SMCO2: variants seen among roughly 807,000 people sequenced by gnomAD.
The protein encoded by SMCO2 is single-pass membrane and coiled-coil domain-containing protein 2.
Under a neutral mutation model 29.5 loss-of-function variants are expected in SMCO2, and 25 were observed. The observed-to-expected ratio is 0.85, with a 90% CI of 0.62 to 1.18. The LOEUF (loss-of-function observed/expected upper bound fraction) is 1.18, where lower values mean the gene tolerates loss of function less well. SMCO2 is among the 50% of genes most tolerant of loss of function. The pLI, the probability that SMCO2 is intolerant of heterozygous loss-of-function variation, is 0.00. For missense variants in SMCO2, 348 were observed against 344.5 expected (o/e 1.01, Z -0.08); for synonymous variants, 117 against 123.3 (o/e 0.95, Z 0.34).
the SMCO2 span, among the ~76,000 whole-genome samples, chr12:27,436,162 A>G: frequency 7.2e-5 from 11 of 152,146 alleles, no homozygotes; most frequent in Non-Finnish European, 1.6e-4. Flanking sequence ...TCATGACCTA[A>G]TCACCTCCCA....
intron 1 of SMCO2, among the ~76,000 whole-genome samples, chr12:27,468,663 T>C (rs927524124): frequency 6.6e-6 from 1 of 152,224 alleles, no homozygotes; most frequent in Non-Finnish European, 1.5e-5. Context: ...CAGGAAGTTC[T>C]ATTGGAGAGC....
the SMCO2 span, among the ~76,000 whole-genome samples, chr12:27,432,058 G>A: frequency 6.6e-6 from 1 of 151,934 alleles, no homozygotes; most frequent in Non-Finnish European, 1.5e-5. Flanking sequence ...TTCGATGTTT[G>A]TTGGCCATTT....
chr12:27,492,266 A>C (rs766439093), intron 5 of SMCO2, among the ~76,000 whole-genome samples: 65 of 152,058 alleles, frequency 4.3e-4, no homozygotes, highest in Non-Finnish European at 8.4e-4. Context: ...TTTCACTCCT[A>C]TATAATGCAG....
At chr12:27,454,992 T>C in the SMCO2 span, among the ~76,000 whole-genome samples, 1 of 152,234 alleles carries the variant, frequency 6.6e-6, no homozygotes, top group Non-Finnish European at 1.5e-5. Flanking sequence ...ATTCTTTTAA[T>C]CAATTCCTAT....
At chr12:27,430,430 C>A in the SMCO2 span, among the ~76,000 whole-genome samples, 5 of 152,128 alleles carry the variant, frequency 3.3e-5, no homozygotes, top group South Asian at 1.0e-3. Flanking sequence ...CTGACTTTAA[C>A]ATTTCCTTTT....
At chr12:27,489,190 G>A (rs430933) in intron 5 of SMCO2, among the ~76,000 whole-genome samples, 18,638 of 151,824 alleles carry the variant, frequency 0.12, 2,206 homozygotes, top group African/African-American at 0.29. Context: ...CTGGGATTAC[G>A]GGTGTGTGCC....
At chr12:27,476,551 T>G (rs185114397) in intron 4 of SMCO2, among the ~76,000 whole-genome samples, 31 of 152,304 alleles carry the variant, frequency 2.0e-4, no homozygotes, top group African/African-American at 7.0e-4. Context: ...CAGTGTTGGA[T>G]GCATATATAT....
At chr12:27,497,919 C>T (rs960651621) in intron 7 of SMCO2, 1 of 340,178 alleles carries the variant, frequency 2.9e-6, no homozygotes. Context: ...CCTAAAGTAA[C>T]TAGAGTCTCC....
chr12:27,495,950 G>A lies in SMCO2; in HGVS notation c.683+95G>A, dbSNP rs1182675825. 21 of 1,201,842 alleles carry A rather than the reference G, an allele frequency of 1.7e-5. No individual in the cohort carries two copies. The South Asian group carries it at 5.6e-4, about 32-fold the overall frequency. 74.4% of individuals were successfully genotyped at this position (1,201,842 alleles called of 1,614,324 possible). The stretch of plus-strand genomic sequence containing the variant: ...ATTTTTTTCAAGTGTTGACTAAAAT[G>A]TTTTGTTTTATTTTCGTTTGTAAAT... On this transcript the variant is annotated intron_variant, in intron 7 of 7. Transcript: ENST00000298876.
chr12:27,442,293 TAGCTAGACTAATTTAAAAA>T, the SMCO2 span, among the ~76,000 whole-genome samples: 1 of 152,040 alleles, frequency 6.6e-6, no homozygotes, highest in South Asian at 2.1e-4. Flanking sequence ...AACAAAACTT[TAGCTAGACTAATTTAAAAA>T]AGAGCAAGAG....
chr12:27,472,229 A>AT (rs1949546686), intron 2 of SMCO2, among the ~76,000 whole-genome samples: 1 of 152,166 alleles, frequency 6.6e-6, no homozygotes, highest in East Asian at 1.9e-4. Context: ...CCTCCCATAT[A>AT]TTTTAAAGGG....
chr12:27,484,867 AAAAAAT>A (rs1166990930), intron 4 of SMCO2, among the ~76,000 whole-genome samples: 11 of 111,742 alleles, frequency 9.8e-5, no homozygotes, highest in African/African-American at 5.6e-4. Context: ...AAAAAAAAAA[AAAAAAT>A]ATATATATAT....
At chr12:27,449,265 G>A in the SMCO2 span, among the ~76,000 whole-genome samples, 2 of 152,166 alleles carry the variant, frequency 1.3e-5, no homozygotes, top group African/African-American at 4.8e-5. Context: ...ACACCCAAAC[G>A]AAATACTTGC....
chr12:27,458,416 C>G, the SMCO2 span, among the ~76,000 whole-genome samples: 1 of 152,094 alleles, frequency 6.6e-6, no homozygotes, highest in Non-Finnish European at 1.5e-5. Context: ...TTTCTAAGCA[C>G]TTATGCAATT....
At chr12:27,490,846 C>T (rs1949729587) in intron 5 of SMCO2, among the ~76,000 whole-genome samples, 1 of 152,090 alleles carries the variant, frequency 6.6e-6, no homozygotes. Flanking sequence ...GTGGGAGGAT[C>T]ACCTTCTGGA....
At chr12:27,499,407 C>T (rs754212386) in intron 7 of SMCO2, among the ~76,000 whole-genome samples, 1 of 150,548 alleles carries the variant, frequency 6.6e-6, no homozygotes, top group Non-Finnish European at 1.5e-5. Context: ...AAAGTAGATT[C>T]ATGGTTTCCA....
chr12:27,470,741 A>G, exon 2 of SMCO2: 3 of 1,551,064 alleles, frequency 1.9e-6, no homozygotes, highest in South Asian at 1.2e-5. Context: ...CAAAAGCTCA[A>G]TGTGACTGAA....
intron 2 of SMCO2, among the ~76,000 whole-genome samples, chr12:27,471,724 T>C (rs567540600): frequency 6.6e-6 from 1 of 152,272 alleles, no homozygotes; most frequent in South Asian, 2.1e-4. Context: ...AAAATGAGAC[T>C]AACACTAAAT....
chr12:27,467,493 G>C (rs928532307), intron 1 of SMCO2, among the ~76,000 whole-genome samples: 3 of 151,236 alleles, frequency 2.0e-5, no homozygotes, highest in Non-Finnish European at 4.4e-5. Flanking sequence ...GCACTAGGTT[G>C]GACAGCTTGC....
Sources: allele counts gnomAD v4.1 joint callset (sites outside exome capture counted in the v4.1 genomes callset), GRCh38; gene constraint gnomAD v4.1.1; transcripts MANE v1.5; gene names NCBI Gene and HGNC (gene_info 2026-07-23, HGNC 2026-07-21).